The following PKD1L1 variants were observed in gnomAD, a reference collection of about 807,000 sequenced individuals.
The protein encoded by PKD1L1 is polycystin-1-like protein 1.
In PKD1L1, 236 loss-of-function variants were observed where a neutral mutation model predicts 323.4. The ratio of observed to expected loss-of-function variants is 0.73; its 90% CI spans 0.66 to 0.81. The LOEUF (loss-of-function observed/expected upper bound fraction) is 0.81, where lower values mean the gene tolerates loss of function less well. Ranked by LOEUF, PKD1L1 falls within the 40% of genes least tolerant of loss-of-function variation. The pLI is 0.00. For missense variants in PKD1L1, 3,320 were observed against 3,508.0 expected (o/e 0.95, Z 1.35); for synonymous variants, 1,344 against 1,335.0 (o/e 1.01, Z -0.15).
chr7:47,863,260 G>A (rs912303892), intron 26 of PKD1L1, among the ~76,000 whole-genome samples: 4 of 152,116 alleles, frequency 2.6e-5, no homozygotes, highest in Admixed American at 2.6e-4. Flanking sequence ...TGGGGGAGGA[G>A]CCCACTCTGC....
At chr7:47,819,555 A>AAAT in intron 46 of PKD1L1, 2 of 1,363,752 alleles carry the variant, frequency 1.5e-6, no homozygotes, top group South Asian at 2.3e-5. Context: ...GGAGAGCTGA[A>AAAT]AAGTTGGTCA....
intron 24 of PKD1L1, among the ~76,000 whole-genome samples, chr7:47,869,267 C>T (rs76500161): frequency 0.023 from 3,482 of 152,164 alleles, 59 homozygotes; most frequent in Non-Finnish European, 0.032. Flanking sequence ...CCAACCACAT[C>T]AATAATAATA....
At position 47,827,408 on chromosome 7, in the gene PKD1L1, G is replaced by T; in HGVS notation, c.6796C>A (p.Gln2266Lys). ...ATCCTCTGTCTGGTGCCCCTCAGCT[G>T]GGCCTTGGATGGTGGATGCGCCCAG... ...LRWAHPPSKA[Q>K]LRGTRQRMRR... is the part of the protein sequence containing the mutation. The change falls in exon 45 of 57, where the codon CAG becomes AAG. Residue 2266 changes from glutamine (Q) to lysine (K), a missense_variant. Transcript: ENST00000289672. The T allele has an allele frequency of 6.2e-7, 1 of 1,613,414 alleles. No homozygotes were observed.
intron 15 of PKD1L1, among the ~76,000 whole-genome samples, chr7:47,893,229 CAAA>C (rs529686945): frequency 0.01 from 533 of 52,988 alleles, 2 homozygotes; most frequent in African/African-American, 0.029. Flanking sequence ...GACCCTATCT[CAAA>C]AAAAAAAAAA....
chr7:47,790,526 T>TAAAAA (rs1786918317), intron 56 of PKD1L1, among the ~76,000 whole-genome samples: 1 of 151,662 alleles, frequency 6.6e-6, no homozygotes, highest in Non-Finnish European at 1.5e-5. Flanking sequence ...AGAGACAGGG[T>TAAAAA]TTCACTGTGT....
intron 45 of PKD1L1, among the ~76,000 whole-genome samples, chr7:47,821,646 G>GTTTA (rs71006528): frequency 6.6e-6 from 1 of 150,886 alleles, no homozygotes; most frequent in Non-Finnish European, 1.5e-5. Context: ...GTGTGTTGGG[G>GTTTA]TTTATTTATT....
At chr7:47,936,704 C>T in intron 4 of PKD1L1, 142 bp downstream of exon 4, 1 of 630,004 alleles carries the variant, frequency 1.6e-6, no homozygotes, top group Admixed American at 3.1e-5. Flanking sequence ...TTTTTTCCAT[C>T]AATTTAAGAG....
chr7:47,854,434 A>G (rs1785852309), intron 30 of PKD1L1, among the ~76,000 whole-genome samples: 1 of 152,164 alleles, frequency 6.6e-6, no homozygotes, highest in Non-Finnish European at 1.5e-5. Context: ...TACCTTCCCA[A>G]TAGTCAATTA....
At chr7:47,919,417 C>T (rs547581979) in intron 7 of PKD1L1, among the ~76,000 whole-genome samples, 9 of 152,148 alleles carry the variant, frequency 5.9e-5, no homozygotes, top group Non-Finnish European at 1.0e-4. Context: ...CAGGTCCAGA[C>T]GAATTCACAG....
At chr7:47,910,358 A>G in intron 8 of PKD1L1, among the ~76,000 whole-genome samples, 1 of 147,644 alleles carries the variant, frequency 6.8e-6, no homozygotes. Flanking sequence ...TTTTTGAGAC[A>G]GAGTCTTGCT....
intron 2 of PKD1L1, 49 bp from the exon 3 acceptor site, chr7:47,940,366 G>A (rs1787960349): frequency 6.3e-7 from 1 of 1,580,402 alleles, no homozygotes; most frequent in South Asian, 1.2e-5. Flanking sequence ...AATGTGCTGG[G>A]AAGGTGAGAA....
Position 47,800,859 on chromosome 7 carries a change from C to T in PKD1L1, c.7983G>A (p.Leu2661=), listed in dbSNP as rs571736936. Residue 2661 remains leucine (L), a synonymous_variant, in exon 54 of 57, where the codon CTG becomes CTA. Coordinates refer to ENST00000289672, the MANE Select transcript of PKD1L1 (RefSeq NM_138295.5). ...ATCGGTGCAGGTGGGAGAGGGCGGC[C>T]AGCATCAGTGCCCCCACCAGCTGCA... ...FVAGLVGALM[L]AALSHLHRFL... 6 of 1,613,870 alleles carry T rather than the reference C, an allele frequency of 3.7e-6. No homozygotes were observed. Among genetic ancestry groups the T allele is most frequent in the Non-Finnish European group, 5.1e-6 (6 of 1,179,986 alleles).
intron 8 of PKD1L1, among the ~76,000 whole-genome samples, chr7:47,909,700 A>G (rs780167569): frequency 1.3e-5 from 2 of 152,260 alleles, no homozygotes; most frequent in East Asian, 1.9e-4. Context: ...ACAATGTGCT[A>G]TAGGCCTAGA....
At chr7:47,873,395 T>C (rs1786325531) in intron 24 of PKD1L1, among the ~76,000 whole-genome samples, 1 of 152,046 alleles carries the variant, frequency 6.6e-6, no homozygotes, top group Non-Finnish European at 1.5e-5. Context: ...ACACCTGTAA[T>C]CCCAGCATTT....
intron 40 of PKD1L1, among the ~76,000 whole-genome samples, chr7:47,833,506 G>A (rs971068369): frequency 2.0e-5 from 3 of 152,156 alleles, no homozygotes; most frequent in African/African-American, 7.2e-5. Context: ...ACACAGTCAG[G>A]GTGATTGCAC....
At chr7:47,888,334 C>T (rs1332817193) in intron 16 of PKD1L1, among the ~76,000 whole-genome samples, 184 bp from the exon 17 acceptor site, 4 of 152,252 alleles carry the variant, frequency 2.6e-5, no homozygotes, top group African/African-American at 9.6e-5. Context: ...AAGCTCGACA[C>T]TCACGTGATC....
At chr7:47,782,981 G>A (rs911116881) in intron 56 of PKD1L1, among the ~76,000 whole-genome samples, 2 of 152,114 alleles carry the variant, frequency 1.3e-5, no homozygotes, top group Non-Finnish European at 2.9e-5. Context: ...CATGGATGAG[G>A]TATGTCTTTG....
chr7:47,942,660 A>G (rs1402152397), intron 2 of PKD1L1, among the ~76,000 whole-genome samples: 3 of 152,138 alleles, frequency 2.0e-5, no homozygotes, highest in East Asian at 3.9e-4. Context: ...TCTCTGTGTT[A>G]AGGACGAGGA....
At chr7:47,860,707 G>C (rs1445941515) in intron 26 of PKD1L1, among the ~76,000 whole-genome samples, 1 of 152,020 alleles carries the variant, frequency 6.6e-6, no homozygotes, top group Non-Finnish European at 1.5e-5. Context: ...CCACTTTTTT[G>C]ACCAAAAATA....
Sources: gnomAD v4.1 joint callset for allele counts (sites outside exome capture counted in the v4.1 genomes callset) on GRCh38, gnomAD v4.1.1 for gene constraint, MANE v1.5 for transcripts, NCBI Gene and HGNC (gene_info 2026-07-23, HGNC 2026-07-21) for gene names.